TK2: variants seen among roughly 807,000 people sequenced by gnomAD.
TK2 encodes the protein thymidine kinase 2, mitochondrial.
Under a neutral mutation model 41.9 loss-of-function variants are expected in TK2, and 35 were observed. That is an observed-to-expected ratio of 0.84 (90% confidence interval 0.64 to 1.11). The LOEUF is 1.11. Among genes scored for constraint, TK2 ranks in the 50% least tolerant of loss-of-function variants. The probability of loss-of-function intolerance (pLI) is 0.00; values close to 1 mark genes in which losing one functional copy is unlikely to be tolerated. For missense variants in TK2, 320 were observed against 351.1 expected (o/e 0.91, Z 0.71); for synonymous variants, 128 against 129.1 (o/e 0.99, Z 0.06).
chr16:66,539,751 C>T (rs1351064721), intron 3 of TK2, among the ~76,000 whole-genome samples: 1 of 152,106 alleles, frequency 6.6e-6, no homozygotes, highest in East Asian at 1.9e-4. Context: ...ATTCCCCAGG[C>T]AACAAGATGT....
At chr16:66,528,430 G>A (rs116946433) in intron 6 of TK2, among the ~76,000 whole-genome samples, 4,667 of 152,276 alleles carry the variant, frequency 0.031, 88 homozygotes, top group Non-Finnish European at 0.046. Flanking sequence ...CACACTGTGC[G>A]TCTGACTCGC....
chr16:66,548,641 G>T (rs1379849355), intron 2 of TK2: 8 of 316,164 alleles, frequency 2.5e-5, no homozygotes, highest in African/African-American at 4.3e-5. Flanking sequence ...CCTCACATCT[G>T]AGCTGCCCAA....
Position 66,514,976 on chromosome 16 carries a change from T to C in TK2, c.619-1165A>G, listed in dbSNP as rs1421276281. ...CAGATGCTTGAAGGTAGCATACTCA[T>C]TAAGAGTCATCACCATTCCCTAATC... On this transcript the variant is annotated intron_variant, in intron 8 of 9. Transcript: ENST00000544898. The surrounding 1 kb of genome is among the most constrained non-coding windows in gnomAD (Gnocchi z 4.2). Among the ~76,000 whole-genome samples the C allele has an allele frequency of 1.3e-5, 2 of 152,080 alleles. No homozygotes were observed. Among genetic ancestry groups the C allele is most frequent in the Non-Finnish European group, 2.9e-5 (2 of 68,004 alleles).
intron 2 of TK2, chr16:66,548,775 T>C: frequency 1.7e-6 from 1 of 596,988 alleles, no homozygotes; most frequent in Non-Finnish European, 3.1e-6. Flanking sequence ...TGCTCCTATC[T>C]GTGCAGACTC....
chr16:66,541,994 AC>A, intron 2 of TK2, 41 bp from the exon 3 acceptor site: 2 of 1,602,890 alleles, frequency 1.2e-6, no homozygotes, highest in Non-Finnish European at 1.7e-6. Context: ...GAACTCAAGC[AC>A]CCAGGGGAAT....
chr16:66,513,893 A>G (rs746141154), intron 8 of TK2, 82 bp from the exon 9 acceptor site: 1 of 1,216,996 alleles, frequency 8.2e-7, no homozygotes, highest in South Asian at 1.2e-5. Flanking sequence ...AGGGGGTCAA[A>G]GTAGTCAATG....
In TK2 at chr16:66,531,485, C is replaced by T. The variant is rs1003393153; in HGVS notation, c.286-16G>A. 1.1e-5 allele frequency: 17 copies of T among 1,613,502 alleles called. No homozygotes were observed. Among genetic ancestry groups the T allele is most frequent in the Admixed American group, 1.7e-5 (1 of 59,998 alleles). On this transcript the variant is annotated splice_polypyrimidine_tract_variant and intron_variant, in intron 4 of 9. Transcript: ENST00000544898. Reference sequence around the variant, plus strand: ...ACATCAGGCCCTGCAGAAGGGAAAACACAGCACTTTCCATCAAAGTGGCAT... The same window carrying T: ...ACATCAGGCCCTGCAGAAGGGAAAATACAGCACTTTCCATCAAAGTGGCAT...
At chr16:66,548,601 G>T (rs376292433) in intron 2 of TK2, 2 of 260,184 alleles carry the variant, frequency 7.7e-6, no homozygotes, top group East Asian at 9.8e-5. Flanking sequence ...CTCAACACTG[G>T]GGGGAGAGGG....
chr16:66,513,464 T>C (rs1267208036), intron 9 of TK2, among the ~76,000 whole-genome samples: 1 of 151,494 alleles, frequency 6.6e-6, no homozygotes, highest in African/African-American at 2.4e-5. Flanking sequence ...GGGTCTAGAG[T>C]CTTCGCTGAA....
intron 4 of TK2, among the ~76,000 whole-genome samples, chr16:66,534,059 T>C (rs1377007752): frequency 6.8e-6 from 1 of 146,930 alleles, no homozygotes; most frequent in African/African-American, 2.5e-5. Flanking sequence ...CCCTCTTGAA[T>C]GGATTAATCT....
At chr16:66,548,820 G>A (rs1025303835) in intron 2 of TK2, 158 bp downstream of exon 2, 2 of 696,160 alleles carry the variant, frequency 2.9e-6, no homozygotes, top group African/African-American at 1.8e-5. Context: ...AACAGAGGTG[G>A]CCTTCTAGGA....
intron 2 of TK2, among the ~76,000 whole-genome samples, chr16:66,545,102 A>C (rs993153813): frequency 1.5e-4 from 23 of 152,060 alleles, no homozygotes; most frequent in Admixed American, 2.6e-4. Context: ...TTCAAAAAAA[A>C]AAAAAAAAAG....
intron 4 of TK2, among the ~76,000 whole-genome samples, chr16:66,534,075 C>T (rs940090853): frequency 3.3e-5 from 5 of 149,650 alleles, no homozygotes; most frequent in African/African-American, 7.4e-5. Flanking sequence ...AATCTATTCA[C>T]GGATTAATAG....
chr16:66,548,034 G>A (rs748121241), intron 2 of TK2: 1 of 1,054,294 alleles, frequency 9.5e-7, no homozygotes, highest in South Asian at 1.3e-5. Context: ...GGAGTTGGAG[G>A]CCAGCCTGGG....
At chr16:66,531,609 G>T in intron 4 of TK2, 140 bp from the exon 5 acceptor site, 1 of 765,894 alleles carries the variant, frequency 1.3e-6, no homozygotes, top group Non-Finnish European at 2.3e-6. Context: ...TGATCACAGG[G>T]CTCTGACAGC....
chr16:66,515,251 C>A (rs1244453399), intron 8 of TK2, among the ~76,000 whole-genome samples: 2 of 152,152 alleles, frequency 1.3e-5, no homozygotes, highest in Non-Finnish European at 2.9e-5. Context: ...TCAGTTCCTT[C>A]AGGCAGGGGC....
intron 8 of TK2, among the ~76,000 whole-genome samples, chr16:66,516,559 G>T (rs927650951): frequency 1.3e-5 from 2 of 152,158 alleles, no homozygotes; most frequent in Non-Finnish European, 2.9e-5. Flanking sequence ...GAAGGGAGAT[G>T]CAAGGAGGGA....
chr16:66,516,526 C>T (rs1240298345), intron 8 of TK2, among the ~76,000 whole-genome samples: 1 of 152,038 alleles, frequency 6.6e-6, no homozygotes. Context: ...ATCAGCCGGG[C>T]GGCAGCCTGG....
intron 6 of TK2, among the ~76,000 whole-genome samples, chr16:66,526,131 G>A (rs28667656): frequency 0.062 from 9,475 of 152,132 alleles, 959 homozygotes; most frequent in African/African-American, 0.22. Context: ...ATGGCTCCTG[G>A]GGAAATCTAC....
Sources: allele counts gnomAD v4.1 joint callset (sites outside exome capture counted in the v4.1 genomes callset), GRCh38; gene constraint gnomAD v4.1.1; non-coding constraint Gnocchi (gnomAD v3.1); transcripts MANE v1.5; gene names NCBI Gene and HGNC (gene_info 2026-07-23, HGNC 2026-07-21).